ZNF132: variants seen among roughly 807,000 people sequenced by gnomAD.
ZNF132 encodes zinc finger protein 132.
A neutral mutation model predicts 9.3 loss-of-function variants in ZNF132; 6 were observed. The observed-to-expected ratio is 0.65, with a 90% CI of 0.35 to 1.28. The LOEUF is 1.28. Ranked by LOEUF, ZNF132 falls within the 50% of genes most tolerant of loss-of-function variation. The pLI, the probability that ZNF132 is intolerant of heterozygous loss-of-function variation, is 0.03. For synonymous variants in ZNF132, 296 were observed against 292.0 expected (o/e 1.01, Z -0.14); for missense variants, 877 against 843.2 (o/e 1.04, Z -0.50).
chr19:58,437,496 T>A (rs1204470238), intron 1 of ZNF132, among the ~76,000 whole-genome samples: 1 of 152,114 alleles, frequency 6.6e-6, no homozygotes, highest in Non-Finnish European at 1.5e-5. Flanking sequence ...TGCTTCCTCC[T>A]CCCTCCTGCT....
intron 2 of ZNF132, 166 bp downstream of exon 2, chr19:58,436,881 A>G (rs1489364148): frequency 2.1e-6 from 2 of 931,618 alleles, no homozygotes; most frequent in African/African-American, 1.6e-5. Context: ...GCTCAGAGAG[A>G]GACAGGGGAA....
intron 1 of ZNF132, among the ~76,000 whole-genome samples, chr19:58,439,402 C>G (rs1295136206): frequency 6.6e-6 from 1 of 152,178 alleles, no homozygotes; most frequent in African/African-American, 2.4e-5. Context: ...GCTGCCATTC[C>G]AGGCCTAACT....
rs1489395478 is a variant in ZNF132 at position 58,434,534 on chromosome 19, A to T, written c.910T>A (p.Ser304Thr). 3.7e-6 allele frequency: 6 copies of T among 1,614,076 alleles called. No individual in the cohort carries two copies. The highest frequency in any genetic ancestry group is 5.1e-6 in the Non-Finnish European group (6 of 1,180,044). ...AATTTCTGGTGCTTCCTCAGCTTAG[A>T]TGAGTGACTAAAGGCCTTCCCACAC... The part of the protein sequence containing the change: ...KECGKAFSHS[S>T]KLRKHQKFHT... The change falls in exon 3 of 3, where the codon TCT (serine) becomes ACT (threonine). Residue 304 changes from serine to threonine, a missense_variant. Physicochemically the swap from Ser to Thr is moderately conservative, Grantham distance 58 (BLOSUM62 1). Transcript: ENST00000254166.
intron 1 of ZNF132, chr19:58,437,805 AG>A (rs1179915283): frequency 2.0e-6 from 2 of 985,444 alleles, no homozygotes; most frequent in Non-Finnish European, 2.4e-6. Context: ...AGGCAGTCAT[AG>A]CCCCTCAAGT....
chr19:58,433,322 C>T lies in ZNF132; in HGVS notation c.*1G>A, dbSNP rs754308354. The stretch of plus-strand genomic sequence containing the variant: ...CAAAGACCACTTCCATAAGGCTCCA[C>T]TCAGGTATGAATCTTTTTATGCTGT... On this transcript the variant is annotated 3_prime_UTR_variant, in exon 3 of 3. Transcript: ENST00000254166. The T allele has an allele frequency of 3.7e-6, 6 of 1,608,228 alleles. No homozygotes were observed. Among genetic ancestry groups the T allele is most frequent in the Non-Finnish European group, 3.4e-6 (4 of 1,175,956 alleles).
At chr19:58,439,720 A>C in intron 1 of ZNF132, 39 bp downstream of exon 1, 2 of 1,492,856 alleles carry the variant, frequency 1.3e-6, no homozygotes, top group South Asian at 2.6e-5. Context: ...TGAGGGCCGG[A>C]ATCCCAGCGG....
chr19:58,439,263 T>C (rs1288714480), intron 1 of ZNF132, among the ~76,000 whole-genome samples: 1 of 152,056 alleles, frequency 6.6e-6, no homozygotes, highest in Non-Finnish European at 1.5e-5. Flanking sequence ...ACCATCACCA[T>C]CCCTCCAGTC....
In ZNF132 at chr19:58,440,133, C is replaced by G; in HGVS notation, c.-312G>C. 3 of 414,812 alleles carry G rather than the reference C, an allele frequency of 7.2e-6. No individual in the cohort carries two copies. The highest frequency in any genetic ancestry group is 3.0e-5 in the South Asian group (1 of 33,226). 25.7% of individuals were successfully genotyped at this position (414,812 alleles called of 1,614,324 possible). A position where few individuals can be genotyped will look rare whatever the true frequency, so the allele number is the denominator to read the frequency against. On this transcript the variant is annotated 5_prime_UTR_variant, in exon 1 of 3. Transcript: ENST00000254166. ...GGCCTGCTGTAGCCCAACCCACCAG[C>G]AGCAAAATGAGGACCGCAATGGCGG...
chr19:58,435,411 A>G, intron 2 of ZNF132, 200 bp from the exon 3 acceptor site: 1 of 585,788 alleles, frequency 1.7e-6, no homozygotes. Context: ...AATAAGGGAG[A>G]CCTCACCAGG....
intron 1 of ZNF132, chr19:58,437,588 C>T (rs966521178): frequency 2.9e-6 from 2 of 685,570 alleles, no homozygotes; most frequent in African/African-American, 1.9e-5. Context: ...CCTCTTGTAC[C>T]AGGGCCATGG....
chr19:58,437,887 C>G (rs1406978263), intron 1 of ZNF132: 1 of 710,884 alleles, frequency 1.4e-6, no homozygotes, highest in Admixed American at 6.3e-5. Context: ...TCTCAAATAT[C>G]TCTTCCCTCT....
intron 1 of ZNF132, chr19:58,437,698 C>G: frequency 2.0e-6 from 2 of 985,196 alleles, no homozygotes; most frequent in Non-Finnish European, 2.4e-6. Context: ...GGCATTCTCC[C>G]TAGCATCTCA....
Position 58,433,192 on chromosome 19 carries a change from C to G in ZNF132, c.*131G>C. The G allele has an allele frequency of 1.0e-6, 1 of 976,858 alleles. No homozygotes were observed. The allele number at this position is 976,858 out of a possible 1,614,324, so 60.5% of individuals were successfully genotyped here. The stretch of plus-strand genomic sequence containing the variant: ...CAAAGGTTCCTGGGCTGGTCAGAAA[C>G]AGAGTAGCTTCTGAAGGCTTTTCCA... On this transcript the variant is annotated 3_prime_UTR_variant, in exon 3 of 3. Coordinates refer to ENST00000254166, the MANE Select transcript of ZNF132 (RefSeq NM_003433.4).
At chr19:58,436,991 T>C (rs1333812969) in intron 2 of ZNF132, 56 bp downstream of exon 2, 10 of 1,611,872 alleles carry the variant, frequency 6.2e-6, no homozygotes, top group Non-Finnish European at 8.5e-6. Context: ...GAGCTTTCTA[T>C]GGGGAAAAGA....
At position 58,433,774 on chromosome 19, in the gene ZNF132, G is replaced by A. The variant is rs1406762249; in HGVS notation, c.1670C>T (p.Thr557Ile). 2.5e-6 allele frequency: 4 copies of A among 1,614,050 alleles called. No homozygotes were observed. The highest frequency in any genetic ancestry group is 3.4e-6 in the Non-Finnish European group (4 of 1,180,042). ...GTGAACTCTCCAGTGTTCAATGAGA[G>A]TGGAGCTGTGAGCAAAGGCTTTCCC... The part of the protein sequence containing the change: ...ECGKAFAHSS[T>I]LIEHWRVHTK... Residue 557 changes from threonine (T) to isoleucine (I), a missense_variant, in exon 3 of 3, where the codon ACT (threonine) becomes ATT (isoleucine). Transcript: ENST00000254166.
At chr19:58,437,332 C>T in intron 1 of ZNF132, 117 bp from the exon 2 acceptor site, 3 of 1,166,362 alleles carry the variant, frequency 2.6e-6, no homozygotes, top group Non-Finnish European at 2.4e-6. Flanking sequence ...CTCAGTCCAC[C>T]CACTACTCAC....
In ZNF132 at chr19:58,437,168, C is replaced by T. The variant is rs1167703572; in HGVS notation, c.111G>A (p.Met37Ile). The T allele has an allele frequency of 5.6e-6, 9 of 1,613,194 alleles. No homozygotes were observed. Among genetic ancestry groups the T allele is most frequent in the African/African-American group, 1.3e-5 (1 of 74,990 alleles). The part of the protein sequence containing the change: ...CGSAVPTLKS[M>I]VTFEDVAVYF... The stretch of plus-strand genomic sequence containing the variant: ...ATACAGCCACATCTTCAAAGGTTAC[C>T]ATGCTCTTCAATGTGGGGACAGCTG... The change falls in exon 2 of 3, where the codon ATG becomes ATA. Residue 37 changes from methionine to isoleucine, a missense_variant. By Grantham distance (10) the Met-to-Ile change is conservative (BLOSUM62 1). Coordinates refer to ENST00000254166, the MANE Select transcript of ZNF132 (RefSeq NM_003433.4).
At position 58,440,073 on chromosome 19, in the gene ZNF132, C is replaced by T; in HGVS notation, c.-252G>A. 1 of 512,070 alleles carries T rather than the reference C, an allele frequency of 2.0e-6. No individual in the cohort carries two copies. Among genetic ancestry groups the T allele is most frequent in the Non-Finnish European group, 3.4e-6 (1 of 293,944 alleles). 31.7% of individuals were successfully genotyped at this position (512,070 alleles called of 1,614,324 possible). A position where few individuals can be genotyped will look rare whatever the true frequency, so the allele number is the denominator to read the frequency against. On this transcript the variant is annotated 5_prime_UTR_variant, in exon 1 of 3. Transcript: ENST00000254166. ...GCGTGTGAAGGCGCGGTGACGGTCC[C>T]TGCACCCACTCCCGTGCCCTGGTGT...
At chr19:58,437,719 G>T (rs2052780909) in intron 1 of ZNF132, 1 of 985,162 alleles carries the variant, frequency 1.0e-6, no homozygotes, top group Non-Finnish European at 1.2e-6. Context: ...CCATGCACAT[G>T]GCATACCTGA....
Sources: allele counts gnomAD v4.1 joint callset (sites outside exome capture counted in the v4.1 genomes callset), GRCh38; gene constraint gnomAD v4.1.1; transcripts MANE v1.5; gene names NCBI Gene and HGNC (gene_info 2026-07-23, HGNC 2026-07-21).